The following SMG1 variants were observed in gnomAD, a reference collection of about 807,000 sequenced individuals.
SMG1 encodes SMG1 nonsense mediated mRNA decay associated PI3K related kinase.
SMG1 carries 22 observed loss-of-function variants against 419.9 expected under a neutral mutation model. The observed-to-expected ratio is 0.05, with a 90% CI of 0.04 to 0.07. The LOEUF (loss-of-function observed/expected upper bound fraction) is 0.07. Ranked by LOEUF, SMG1 falls within the 10% of genes least tolerant of loss-of-function variation. The probability of loss-of-function intolerance (pLI) is 1.00; values close to 1 mark genes in which losing one functional copy is unlikely to be tolerated. For missense variants in SMG1, 3,185 were observed against 4,342.0 expected (o/e 0.73, Z 7.49); for synonymous variants, 1,538 against 1,553.5 (o/e 0.99, Z 0.23).
intron 29 of SMG1, among the ~76,000 whole-genome samples, chr16:18,855,235 T>C (rs1191756126): frequency 6.6e-6 from 1 of 152,024 alleles, no homozygotes; most frequent in Non-Finnish European, 1.5e-5. Context: ...ACTTCTTCTG[T>C]AAGTACTCTC....
rs1477703438 is a variant in SMG1 at position 18,878,714 on chromosome 16, A to G, written c.1518+781T>C. 4 of 152,292 alleles carry G rather than the reference A, an allele frequency of 2.6e-5. No individual in the cohort carries two copies. In the East Asian group the frequency reaches 7.7e-4, roughly 29 times the overall value. The allele number at this position is 152,292 out of a possible 1,614,324, so 9.4% of individuals were successfully genotyped here. ...GCTACACTGAGACTAGCTATCAACC[A>G]GTAAAAATAGAGGCCTGGTAGAGTG... is the stretch of plus-strand genomic sequence containing the variant. On this transcript the variant is annotated intron_variant, in intron 11 of 62. Coordinates refer to ENST00000446231, the MANE Select transcript of SMG1 (RefSeq NM_015092.5).
intron 39 of SMG1, 43 bp downstream of exon 39, chr16:18,845,386 T>G: frequency 6.5e-7 from 1 of 1,535,894 alleles, no homozygotes; most frequent in Non-Finnish European, 9.0e-7. Context: ...TCATGGGAAC[T>G]GTGATGTGCC....
At chr16:18,902,608 G>C (rs2037391241) in intron 1 of SMG1, among the ~76,000 whole-genome samples, 1 of 151,942 alleles carries the variant, frequency 6.6e-6, no homozygotes, top group South Asian at 2.1e-4. Context: ...GCTGACGTAG[G>C]AGGACTGCCT....
chr16:18,878,845 A>G (rs1013035776), intron 11 of SMG1: 2 of 154,194 alleles, frequency 1.3e-5, no homozygotes, highest in Admixed American at 6.4e-5. Flanking sequence ...CCATCTCTAC[A>G]AAATAATACA....
chr16:18,808,458 T>G lies in SMG1; in HGVS notation c.*1111A>C, dbSNP rs994289049. ...TACCTCCACCAGAACATCACTTTAT[T>G]GTTAATCTATCATCAACAATGTAAA... On this transcript the variant is annotated 3_prime_UTR_variant, in exon 63 of 63. Coordinates refer to ENST00000446231, the MANE Select transcript of SMG1 (RefSeq NM_015092.5). 1 of 152,222 alleles carries G rather than the reference T, an allele frequency of 6.6e-6. No homozygotes were observed. Among genetic ancestry groups the G allele is most frequent in the Non-Finnish European group, 1.5e-5 (1 of 68,032 alleles). The allele number at this position is 152,222 out of a possible 1,614,324, so 9.4% of individuals were successfully genotyped here. A position where few individuals can be genotyped will look rare whatever the true frequency, so the allele number is the denominator to read the frequency against.
intron 54 of SMG1, among the ~76,000 whole-genome samples, chr16:18,828,836 T>G (rs906472988): frequency 6.6e-6 from 1 of 152,080 alleles, no homozygotes; most frequent in African/African-American, 2.4e-5. Context: ...CCATCTCTAC[T>G]AAAAATACAA....
intron 1 of SMG1, among the ~76,000 whole-genome samples, chr16:18,916,889 G>T (rs866586267): frequency 5.9e-5 from 9 of 152,068 alleles, no homozygotes; most frequent in Admixed American, 1.3e-4. Context: ...ATTAGGATAA[G>T]GAACAAGAGT....
At position 18,816,541 on chromosome 16, in the gene SMG1, A is replaced by C. The variant is rs759949682; in HGVS notation, c.10075-12T>G. On this transcript the variant is annotated splice_polypyrimidine_tract_variant and intron_variant, in intron 57 of 62. Coordinates refer to ENST00000446231, the MANE Select transcript of SMG1 (RefSeq NM_015092.5). ...TCAAGACCAGTGTCCTAAATAGAAC[A>C]AGCATTTGTTTGACTTCGAGTATCA... 5 of 1,608,366 alleles carry C rather than the reference A, an allele frequency of 3.1e-6. No homozygotes were observed.
chr16:18,925,846 G>C, intron 1 of SMG1, 104 bp downstream of exon 1: 1 of 848,192 alleles, frequency 1.2e-6, no homozygotes. Context: ...GGCTCCGAGG[G>C]GTGGAGGGCC....
chr16:18,909,370 A>T (rs2037706527), intron 1 of SMG1, among the ~76,000 whole-genome samples: 1 of 151,278 alleles, frequency 6.6e-6, no homozygotes, highest in Non-Finnish European at 1.5e-5. Flanking sequence ...AAATAAAATA[A>T]ATAAAAATAA....
intron 9 of SMG1, among the ~76,000 whole-genome samples, chr16:18,883,549 G>A (rs1424262621): frequency 6.6e-6 from 1 of 152,214 alleles, no homozygotes; most frequent in Non-Finnish European, 1.5e-5. Context: ...AAAGCTTTGC[G>A]AAATACGAAG....
At chr16:18,819,731 C>T in intron 55 of SMG1, 77 bp from the exon 56 acceptor site, 1 of 1,358,934 alleles carries the variant, frequency 7.4e-7, no homozygotes, top group South Asian at 1.6e-5. Flanking sequence ...TTATATAACA[C>T]AATAAAGATT....
intron 55 of SMG1, among the ~76,000 whole-genome samples, chr16:18,820,813 G>C (rs1002462584): frequency 6.6e-6 from 1 of 152,098 alleles, no homozygotes; most frequent in Non-Finnish European, 1.5e-5. Context: ...AATTATACTT[G>C]ATTTTATACT....
At chr16:18,897,977 A>G (rs1312487887) in intron 1 of SMG1, among the ~76,000 whole-genome samples, 2 of 152,086 alleles carry the variant, frequency 1.3e-5, no homozygotes, top group Non-Finnish European at 2.9e-5. Flanking sequence ...TGAATCTTTT[A>G]GAAAAGTTTA....
chr16:18,917,010 T>A (rs2038008444), intron 1 of SMG1, among the ~76,000 whole-genome samples: 1 of 152,088 alleles, frequency 6.6e-6, no homozygotes, highest in Admixed American at 6.6e-5. Flanking sequence ...TCCATACATG[T>A]GTCTAACATG....
In SMG1 at chr16:18,807,280, A is replaced by G. The variant is rs1409251425; in HGVS notation, c.*2289T>C. 1.3e-5 allele frequency: 2 copies of G among 152,182 alleles called. No individual in the cohort carries two copies. Among genetic ancestry groups the G allele is most frequent in the Non-Finnish European group, 2.9e-5 (2 of 68,024 alleles). The allele number at this position is 152,182 out of a possible 1,614,324, so 9.4% of individuals were successfully genotyped here. On this transcript the variant is annotated 3_prime_UTR_variant, in exon 63 of 63. Coordinates refer to ENST00000446231, the MANE Select transcript of SMG1 (RefSeq NM_015092.5). The stretch of plus-strand genomic sequence containing the variant: ...ATCATTGCGATAAAAGTTTTTCCTT[A>G]TGATGACAATAAAGAATGTTGCTGA...
At chr16:18,831,673 T>C (rs2033181750) in intron 51 of SMG1, among the ~76,000 whole-genome samples, 1 of 150,616 alleles carries the variant, frequency 6.6e-6, no homozygotes, top group African/African-American at 2.4e-5. Flanking sequence ...GGAGAATCTC[T>C]TGAACCCGGG....
At chr16:18,898,998 T>C (rs1436603894) in intron 1 of SMG1, among the ~76,000 whole-genome samples, 1 of 152,218 alleles carries the variant, frequency 6.6e-6, no homozygotes. Context: ...GCAAGGTTGT[T>C]GTGAGGCTTA....
In SMG1 at chr16:18,863,682, G is replaced by C; in HGVS notation, c.3663C>G (p.Ser1221=). 3.8e-6 allele frequency: 6 copies of C among 1,595,128 alleles called. No homozygotes were observed. The highest frequency in any genetic ancestry group is 5.1e-6 in the Non-Finnish European group (6 of 1,178,592). Residue 1221 remains serine (S), a synonymous_variant, in exon 25 of 63, where the codon TCC becomes TCG. Transcript: ENST00000446231. ...AGTTGAAGTCAGCTTTCAGGTTGAGGGAAGTGCTACTGGTACTCTTTTTCA... is the reference window on the plus strand; with the variant it reads ...AGTTGAAGTCAGCTTTCAGGTTGAGCGAAGTGCTACTGGTACTCTTTTTCA... ...HDLKKSTSST[S]LNLKADFNYI...
Sources: gnomAD v4.1 joint callset for allele counts (sites outside exome capture counted in the v4.1 genomes callset) on GRCh38, gnomAD v4.1.1 for gene constraint, MANE v1.5 for transcripts, NCBI Gene and HGNC (gene_info 2026-07-23, HGNC 2026-07-21) for gene names.